CDK3: variants seen among roughly 807,000 people sequenced by gnomAD.
CDK3 encodes cyclin-dependent kinase 3.
In CDK3, 24 loss-of-function variants were observed where a neutral mutation model predicts 30.2. The observed-to-expected ratio is 0.79, with a 90% CI of 0.57 to 1.12. CDK3 has a LOEUF of 1.12. Among genes scored for constraint, CDK3 ranks in the 50% most tolerant of loss-of-function variants. The pLI, the probability that CDK3 is intolerant of heterozygous loss-of-function variation, is 0.00. For synonymous variants in CDK3, 158 were observed against 154.2 expected (o/e 1.02, Z -0.18); for missense variants, 345 against 376.0 (o/e 0.92, Z 0.68).
chr17:76,001,734 G>C lies in CDK3; in HGVS notation c.117-140G>C. The C allele has an allele frequency of 1.1e-6, 1 of 950,748 alleles. No individual in the cohort carries two copies. The highest frequency in any genetic ancestry group is 1.6e-6 in the Non-Finnish European group (1 of 642,380). 58.9% of individuals were successfully genotyped at this position (950,748 alleles called of 1,614,324 possible). A position where few individuals can be genotyped will look rare whatever the true frequency, so the allele number is the denominator to read the frequency against. On this transcript the variant is annotated intron_variant, in intron 2 of 7. Transcript: ENST00000448471. This position sits in a 1 kb window ranked among gnomAD's most constrained non-coding sequence, Gnocchi z 6.2. The stretch of plus-strand genomic sequence containing the variant: ...GGGGCCCTGACTGTGGAGTTTGGTG[G>C]ATGACGTGCCAAGGAGCACAGGTCT...
Position 76,002,806 on chromosome 17 carries a change from C to G in CDK3, c.588+194C>G. On this transcript the variant is annotated intron_variant, in intron 6 of 7. Coordinates refer to ENST00000448471, the MANE Select transcript of CDK3 (RefSeq NM_001258.4). The surrounding 1 kb of genome is among the most constrained non-coding windows in gnomAD (Gnocchi z 4.3). ...TTGAGCCCAGGAGTTTGAGACCAGC[C>G]TGGGCAACGTAACAAATCCCCAGCT... is the stretch of plus-strand genomic sequence containing the variant. 1.7e-6 allele frequency: 1 copy of G among 577,082 alleles called. No individual in the cohort carries two copies. The highest frequency in any genetic ancestry group is 3.1e-6 in the Non-Finnish European group (1 of 322,890). The allele number at this position is 577,082 out of a possible 1,614,324, so 35.7% of individuals were successfully genotyped here.
chr17:76,005,313 G>A lies in CDK3; in HGVS notation c.808G>A (p.Asp270Asn). The change falls in exon 8 of 8, where the codon GAC becomes AAC. Residue 270 changes from aspartate (D) to asparagine (N), a missense_variant. Physicochemically the swap from Asp to Asn is conservative, Grantham distance 23. Transcript: ENST00000448471. The surrounding 1 kb of genome is among the most constrained non-coding windows in gnomAD (Gnocchi z 4.7). ...TTCTTCCTAGCAACTCCTGCAGTATGACCCCAGCCAGCGGATCACAGCCAA... is the reference window on the plus strand; with the variant it reads ...TTCTTCCTAGCAACTCCTGCAGTATAACCCCAGCCAGCGGATCACAGCCAA... The part of the protein sequence containing the change: ...RDLLMQLLQY[D>N]PSQRITAKTA... 1 of 1,614,036 alleles carries A rather than the reference G, an allele frequency of 6.2e-7. No homozygotes were observed. Among genetic ancestry groups the A allele is most frequent in the Non-Finnish European group, 8.5e-7 (1 of 1,179,970 alleles).
At chr17:76,003,605 T>C (rs1194014938) in intron 7 of CDK3, among the ~76,000 whole-genome samples, 1 of 152,276 alleles carries the variant, frequency 6.6e-6, no homozygotes, top group Non-Finnish European at 1.5e-5. Context: ...AAAGTGGCGC[T>C]CATTGAGTTA....
In CDK3 at chr17:76,005,362, TC is replaced by T; in HGVS notation, c.858del (p.Ser287HisfsTer54). 1 of 1,614,086 alleles carries T rather than the reference TC, an allele frequency of 6.2e-7. No individual in the cohort carries two copies. Among genetic ancestry groups the T allele is most frequent in the East Asian group, 2.2e-5 (1 of 44,876 alleles). On this transcript the variant is annotated frameshift_variant, in exon 8 of 8. Transcript: ENST00000448471. LOFTEE classifies it low-confidence loss of function (END_TRUNC). This position sits in a 1 kb window ranked among gnomAD's most constrained non-coding sequence, Gnocchi z 4.7. ...AAGACTGCCCTGGCCCACCCGTACT[TC>T]TCATCCCCTGAGCCCTCCCCAGCTG... ...TAKTALAHPY[F>X]SSPEPSPAAR...
chr17:76,002,494 G>T lies in CDK3; in HGVS notation c.487-17G>T. On this transcript the variant is annotated splice_polypyrimidine_tract_variant and intron_variant, in intron 5 of 7. Transcript: ENST00000448471. This position sits in a 1 kb window ranked among gnomAD's most constrained non-coding sequence, Gnocchi z 4.3. The stretch of plus-strand genomic sequence containing the variant: ...GCACTCAGCCACCCTGAGTGATACT[G>T]TTTCTTTGCCCTGCAGGTGGTGACA... 6.5e-7 allele frequency: 1 copy of T among 1,541,534 alleles called. No individual in the cohort carries two copies. Among genetic ancestry groups the T allele is most frequent in the African/African-American group, 1.4e-5 (1 of 73,646 alleles).
chr17:76,003,306 C>T lies in CDK3; in HGVS notation c.700C>T (p.Pro234Ser). ...EDTWPGVTQL[P>S]DYKGSFPKWT... ...CACATGGCCCGGGGTCACCCAGCTGCCTGACTATAAGGGCAGCTTCCCTAA... is the reference window on the plus strand; with the variant it reads ...CACATGGCCCGGGGTCACCCAGCTGTCTGACTATAAGGGCAGCTTCCCTAA... The change falls in exon 7 of 8, where the codon CCT (proline) becomes TCT (serine). Residue 234 changes from proline (P) to serine (S), a missense_variant. By Grantham distance (74) the Pro-to-Ser change is moderately conservative (BLOSUM62 -1). Coordinates refer to ENST00000448471, the MANE Select transcript of CDK3 (RefSeq NM_001258.4). 6.2e-7 allele frequency: 1 copy of T among 1,614,190 alleles called. No individual in the cohort carries two copies. The highest frequency in any genetic ancestry group is 8.5e-7 in the Non-Finnish European group (1 of 1,180,018).
In CDK3 at chr17:76,002,207, A is replaced by G. The variant is rs2144377089; in HGVS notation, c.316-41A>G. On this transcript the variant is annotated intron_variant, in intron 4 of 7. Transcript: ENST00000448471. The surrounding 1 kb of genome is among the most constrained non-coding windows in gnomAD (Gnocchi z 4.3). ...TCCCTGCCATCCCTGTCCACGCAGC[A>G]CCTCCGCTCAGCTGGCTGCACCTCG... 6.2e-7 allele frequency: 1 copy of G among 1,612,108 alleles called. No individual in the cohort carries two copies. Among genetic ancestry groups the G allele is most frequent in the Non-Finnish European group, 8.5e-7 (1 of 1,179,116 alleles).
chr17:76,002,951 C>T lies in CDK3; in HGVS notation c.589-244C>T, dbSNP rs570085484. Reference sequence around the variant, plus strand: ...GGTTGAGGCTGCAGTGAGCTGTGATCGCACGACTGCACTCTAGCCTGGGTG... The same window carrying T: ...GGTTGAGGCTGCAGTGAGCTGTGATTGCACGACTGCACTCTAGCCTGGGTG... On this transcript the variant is annotated intron_variant, in intron 6 of 7. Transcript: ENST00000448471. This position sits in a 1 kb window ranked among gnomAD's most constrained non-coding sequence, Gnocchi z 4.3. 19 of 564,596 alleles carry T rather than the reference C, an allele frequency of 3.4e-5. No homozygotes were observed. Among genetic ancestry groups the T allele is most frequent in the Middle Eastern group, 4.8e-4 (1 of 2,072 alleles). The allele number at this position is 564,596 out of a possible 1,614,324, so 35.0% of individuals were successfully genotyped here. A position where few individuals can be genotyped will look rare whatever the true frequency, so the allele number is the denominator to read the frequency against.
In CDK3 at chr17:76,002,291, C is replaced by T; in HGVS notation, c.359C>T (p.Ser120Leu). 2 of 1,610,946 alleles carry T rather than the reference C, an allele frequency of 1.2e-6. No individual in the cohort carries two copies. Among genetic ancestry groups the T allele is most frequent in the Admixed American group, 3.3e-5 (2 of 59,930 alleles). ...CTGCAGGGGGTGAGTTTCTGCCACT[C>T]ACATCGGGTCATCCACCGAGACCTG... ...QLLQGVSFCH[S>L]HRVIHRDLKP... Residue 120 changes from serine to leucine, a missense_variant, in exon 5 of 8, where the codon TCA becomes TTA. Ser to Leu is a moderately radical substitution (Grantham distance 145, BLOSUM62 -2). Coordinates refer to ENST00000448471, the MANE Select transcript of CDK3 (RefSeq NM_001258.4). This position sits in a 1 kb window ranked among gnomAD's most constrained non-coding sequence, Gnocchi z 4.3.
chr17:76,001,817 G>T lies in CDK3; in HGVS notation c.117-57G>T. 2 of 1,531,120 alleles carry T rather than the reference G, an allele frequency of 1.3e-6. No homozygotes were observed. The highest frequency in any genetic ancestry group is 2.3e-5 in the South Asian group (2 of 85,910). The allele number at this position is 1,531,120 out of a possible 1,614,324, so 94.8% of individuals were successfully genotyped here. On this transcript the variant is annotated intron_variant, in intron 2 of 7. Coordinates refer to ENST00000448471, the MANE Select transcript of CDK3 (RefSeq NM_001258.4). The surrounding 1 kb of genome is among the most constrained non-coding windows in gnomAD (Gnocchi z 6.2). ...TAAGGAGAAGCCGATCCCCCTGGCTGGAAGTGCCCTTCTTGGCCCAAGTCT... is the reference window on the plus strand; with the variant it reads ...TAAGGAGAAGCCGATCCCCCTGGCTTGAAGTGCCCTTCTTGGCCCAAGTCT...
rs201128002 is a variant in CDK3 at position 76,002,658 on chromosome 17, C to G, written c.588+46C>G. The G allele has an allele frequency of 2.6e-6, 2 of 781,348 alleles. No homozygotes were observed. The highest frequency in any genetic ancestry group is 2.4e-5 in the East Asian group (1 of 41,250). The allele number at this position is 781,348 out of a possible 1,614,324, so 48.4% of individuals were successfully genotyped here. ...GGCCACAGGGTGCCACAGGCAGGGT[C>G]CTACTGGGGTTGGGTGGGGTCCACT... On this transcript the variant is annotated intron_variant, in intron 6 of 7. Coordinates refer to ENST00000448471, the MANE Select transcript of CDK3 (RefSeq NM_001258.4). This position sits in a 1 kb window ranked among gnomAD's most constrained non-coding sequence, Gnocchi z 4.3.
chr17:76,002,026 C>T lies in CDK3; in HGVS notation c.199C>T (p.Leu67=). 1.9e-6 allele frequency: 3 copies of T among 1,614,122 alleles called. No individual in the cohort carries two copies. Among genetic ancestry groups the T allele is most frequent in the Non-Finnish European group, 2.5e-6 (3 of 1,180,014 alleles). ...TGACTGCCATCTCCCTGTCAGACTGCTGGACGTGGTGCACAACGAGAGGAA... is the reference window on the plus strand; with the variant it reads ...TGACTGCCATCTCCCTGTCAGACTGTTGGACGTGGTGCACAACGAGAGGAA... ...ELKHPNIVRL[L]DVVHNERKLY... is the part of the protein sequence containing the mutation. The change falls in exon 4 of 8, where the codon CTG becomes TTG. Residue 67 remains leucine, a synonymous_variant. Transcript: ENST00000448471. This position sits in a 1 kb window ranked among gnomAD's most constrained non-coding sequence, Gnocchi z 4.3.
Position 76,000,974 on chromosome 17 carries a change from A to G in CDK3, c.-15+7A>G. ...GGGCTGGGCAGTGACCCAGGTGGGA[A>G]AGGGTGGTCTTGCCCTCTAAGGCCC... On this transcript the variant is annotated splice_region_variant and intron_variant, in intron 1 of 7. Coordinates refer to ENST00000448471, the MANE Select transcript of CDK3 (RefSeq NM_001258.4). The surrounding 1 kb of genome is among the most constrained non-coding windows in gnomAD (Gnocchi z 5.9). 9.3e-7 allele frequency: 1 copy of G among 1,069,790 alleles called. No individual in the cohort carries two copies. The highest frequency in any genetic ancestry group is 1.1e-6 in the Non-Finnish European group (1 of 880,242). The allele number at this position is 1,069,790 out of a possible 1,614,324, so 66.3% of individuals were successfully genotyped here.
Position 76,002,379 on chromosome 17 carries a change from T to G in CDK3, c.447T>G (p.Ala149=), listed in dbSNP as rs1349353802. 6.2e-7 allele frequency: 1 copy of G among 1,612,362 alleles called. No individual in the cohort carries two copies. Among genetic ancestry groups the G allele is most frequent in the Admixed American group, 1.7e-5 (1 of 59,936 alleles). Residue 149 remains alanine, a synonymous_variant, in exon 5 of 8, where the codon GCT becomes GCG. Transcript: ENST00000448471. This position sits in a 1 kb window ranked among gnomAD's most constrained non-coding sequence, Gnocchi z 4.3. ...GAIKLADFGL[A]RAFGVPLRTY... Reference sequence around the variant, plus strand: ...TCAAGCTGGCTGACTTCGGCCTGGCTCGCGCCTTCGGGGTGCCCCTGCGCA... The same window carrying G: ...TCAAGCTGGCTGACTTCGGCCTGGCGCGCGCCTTCGGGGTGCCCCTGCGCA...
At chr17:76,003,540 A>G (rs983348915) in intron 7 of CDK3, 142 bp downstream of exon 7, 2 of 645,404 alleles carry the variant, frequency 3.1e-6, no homozygotes, top group Non-Finnish European at 5.3e-6. Context: ...GGGTATACTG[A>G]TTGTTCAACC....
rs1598220356 is a variant in CDK3, at chr17:76,001,140, C to T, written c.-15+173C>T. On this transcript the variant is annotated intron_variant, in intron 1 of 7. Transcript: ENST00000448471. This position sits in a 1 kb window ranked among gnomAD's most constrained non-coding sequence, Gnocchi z 6.2. ...CCTGCCCTCCGAGGCCGGGCATGGG[C>T]GAGAAGCCTGGGGGTCCTGGCTGAA... The T allele has an allele frequency of 3.9e-6, 5 of 1,279,228 alleles. No homozygotes were observed. Among genetic ancestry groups the T allele is most frequent in the Admixed American group, 3.4e-5 (1 of 29,616 alleles). 79.2% of individuals were successfully genotyped at this position (1,279,228 alleles called of 1,614,324 possible). A position where few individuals can be genotyped will look rare whatever the true frequency, so the allele number is the denominator to read the frequency against.
rs1047076166 is a variant in CDK3 at position 76,002,701 on chromosome 17, C to T, written c.588+89C>T. 53 of 736,982 alleles carry T rather than the reference C, an allele frequency of 7.2e-5. No homozygotes were observed. Among genetic ancestry groups the T allele is most frequent in the Admixed American group, 7.0e-4 (37 of 53,174 alleles). The allele number at this position is 736,982 out of a possible 1,614,324, so 45.7% of individuals were successfully genotyped here. A position where few individuals can be genotyped will look rare whatever the true frequency, so the allele number is the denominator to read the frequency against. ...GGTCCACTGATGCTCCCATTCGAGG[C>T]GGATTAAAGAGTGTTTGGGGCTGGA... On this transcript the variant is annotated intron_variant, in intron 6 of 7. Transcript: ENST00000448471. The surrounding 1 kb of genome is among the most constrained non-coding windows in gnomAD (Gnocchi z 4.3).
chr17:76,004,219 G>GTTTTTTTTGTTTTTTTTTT (rs71361702), intron 7 of CDK3, among the ~76,000 whole-genome samples: 1 of 92,322 alleles, frequency 1.1e-5, no homozygotes, highest in Non-Finnish European at 1.9e-5. Flanking sequence ...AGAACCGTCT[G>GTTTTTTTTGTTTTTTTTTT]TTTTTTTTTT....
Position 76,002,283 on chromosome 17 carries a change from C to A in CDK3, c.351C>A (p.Phe117Leu). Residue 117 changes from phenylalanine (F) to leucine (L), a missense_variant, in exon 5 of 8, where the codon TTC becomes TTA. Transcript: ENST00000448471. This position sits in a 1 kb window ranked among gnomAD's most constrained non-coding sequence, Gnocchi z 4.3. Reference sequence around the variant, plus strand: ...TCCAGCTGCTGCAGGGGGTGAGTTTCTGCCACTCACATCGGGTCATCCACC... The same window carrying A: ...TCCAGCTGCTGCAGGGGGTGAGTTTATGCCACTCACATCGGGTCATCCACC... ...YLFQLLQGVS[F>L]CHSHRVIHRD... is the part of the protein sequence containing the mutation. The A allele has an allele frequency of 6.2e-7, 1 of 1,611,952 alleles. No homozygotes were observed.
Sources: allele counts gnomAD v4.1 joint callset (sites outside exome capture counted in the v4.1 genomes callset), GRCh38; gene constraint gnomAD v4.1.1; non-coding constraint Gnocchi (gnomAD v3.1); transcripts MANE v1.5; gene names NCBI Gene and HGNC (gene_info 2026-07-23, HGNC 2026-07-21).